MIPOL1: variants seen among roughly 807,000 people sequenced by gnomAD.
The protein encoded by MIPOL1 is mirror-image polydactyly gene 1 protein.
In MIPOL1, 57 loss-of-function variants were observed where a neutral mutation model predicts 60.9. That is an observed-to-expected ratio of 0.94 (90% confidence interval 0.76 to 1.17). The LOEUF (loss-of-function observed/expected upper bound fraction) is 1.17. Ranked by LOEUF, MIPOL1 falls within the 50% of genes most tolerant of loss-of-function variation. MIPOL1 has a pLI of 0.00. For synonymous variants in MIPOL1, 179 were observed against 168.8 expected, an observed-to-expected ratio of 1.06 and a Z score of -0.47; for missense variants, 551 against 511.6, an observed-to-expected ratio of 1.08 and a Z score of -0.74.
intron 10 of MIPOL1, among the ~76,000 whole-genome samples, chr14:37,413,860 C>T (rs539367138): frequency 7.2e-5 from 11 of 152,228 alleles, no homozygotes; most frequent in East Asian, 5.8e-4. Flanking sequence ...CTCAAGGCTA[C>T]GGGCTTTTCA....
chr14:37,499,015 T>A (rs1206584523), intron 11 of MIPOL1, among the ~76,000 whole-genome samples: 1 of 152,142 alleles, frequency 6.6e-6, no homozygotes, highest in East Asian at 1.9e-4. Flanking sequence ...ACTTCAAATG[T>A]CTCCAATCGA....
At chr14:37,218,118 T>C (rs1420982539) in intron 1 of MIPOL1, among the ~76,000 whole-genome samples, 1 of 152,090 alleles carries the variant, frequency 6.6e-6, no homozygotes, top group Non-Finnish European at 1.5e-5. Flanking sequence ...CTAGTTTCTT[T>C]CTTTTCTATT....
At chr14:37,272,440 C>T (rs1388885395) in intron 6 of MIPOL1, among the ~76,000 whole-genome samples, 2 of 151,446 alleles carry the variant, frequency 1.3e-5, no homozygotes, top group Admixed American at 6.6e-5. Context: ...TTTAAAACAA[C>T]AAAAAATTTG....
At chr14:37,454,366 C>G (rs1203214891) in intron 11 of MIPOL1, among the ~76,000 whole-genome samples, 1 of 152,194 alleles carries the variant, frequency 6.6e-6, no homozygotes, top group Non-Finnish European at 1.5e-5. Flanking sequence ...CAGTCTACCA[C>G]AGAAGGTGTA....
chr14:37,453,045 C>T (rs2094439849), intron 11 of MIPOL1, among the ~76,000 whole-genome samples: 1 of 152,108 alleles, frequency 6.6e-6, no homozygotes, highest in South Asian at 2.1e-4. Flanking sequence ...TTAGGATGTG[C>T]ATTTTATTTA....
Position 37,422,954 on chromosome 14 carries a change from A to G in MIPOL1, c.1031+5A>G. ...GACCCTTCGAGTTTACTACAGGTAA[A>G]ATTCTTTTTAGCCTGGGGTTAAGTA... On this transcript the variant is annotated splice_donor_5th_base_variant and intron_variant, in intron 11 of 12. Coordinates refer to ENST00000684589, the MANE Select transcript of MIPOL1 (RefSeq NM_001388067.1). 2 of 1,573,782 alleles carry G rather than the reference A, an allele frequency of 1.3e-6. No homozygotes were observed. The highest frequency in any genetic ancestry group is 1.7e-6 in the Non-Finnish European group (2 of 1,151,036).
chr14:37,374,375 G>A (rs988036568), intron 10 of MIPOL1, among the ~76,000 whole-genome samples: 1 of 152,094 alleles, frequency 6.6e-6, no homozygotes, highest in Non-Finnish European at 1.5e-5. Flanking sequence ...CCGTGCAGAA[G>A]CTCCTTAGTT....
chr14:37,452,002 A>T (rs892290761), intron 11 of MIPOL1, among the ~76,000 whole-genome samples: 4 of 150,852 alleles, frequency 2.7e-5, no homozygotes. Context: ...TTTTTAGTAG[A>T]GACGGGGTTT....
intron 6 of MIPOL1, among the ~76,000 whole-genome samples, chr14:37,279,685 A>G (rs2083947018): frequency 6.6e-6 from 1 of 152,098 alleles, no homozygotes; most frequent in Non-Finnish European, 1.5e-5. Context: ...TGATTTGCAA[A>G]TTTATGAAGT....
intron 10 of MIPOL1, among the ~76,000 whole-genome samples, chr14:37,413,693 A>G (rs144404044): frequency 8.5e-5 from 13 of 152,342 alleles, no homozygotes; most frequent in African/African-American, 2.6e-4. Context: ...TGCCCAGGAT[A>G]AGATCTCCTC....
intron 1 of MIPOL1, among the ~76,000 whole-genome samples, chr14:37,238,479 A>G (rs1382309153): frequency 6.6e-6 from 1 of 152,178 alleles, no homozygotes; most frequent in Non-Finnish European, 1.5e-5. Flanking sequence ...TTTAATAGTT[A>G]TGACAGGATA....
intron 12 of MIPOL1, among the ~76,000 whole-genome samples, chr14:37,512,534 T>C (rs2095336820): frequency 6.6e-6 from 1 of 152,120 alleles, no homozygotes; most frequent in African/African-American, 2.4e-5. Flanking sequence ...TTTTTTACTT[T>C]TGTTGCTGGC....
intron 11 of MIPOL1, among the ~76,000 whole-genome samples, chr14:37,481,498 TTC>T (rs1252624281): frequency 6.6e-6 from 1 of 150,668 alleles, no homozygotes; most frequent in Non-Finnish European, 1.5e-5. Flanking sequence ...ATTATCAGAA[TTC>T]TAATGTCATT....
rs371721161 is a variant in MIPOL1, at chr14:37,268,838, G to A, written c.387+45G>A. The stretch of plus-strand genomic sequence containing the variant: ...ATAATTGTATAGTATGGGTTTAGCT[G>A]TTGATCTTCTAAATTTCCTTTGTTG... On this transcript the variant is annotated intron_variant, in intron 5 of 12. Coordinates refer to ENST00000684589, the MANE Select transcript of MIPOL1 (RefSeq NM_001388067.1). 9.5e-6 allele frequency: 13 copies of A among 1,375,260 alleles called. No homozygotes were observed. In the South Asian group the frequency reaches 1.8e-4, roughly 19 times the overall value. The allele number at this position is 1,375,260 out of a possible 1,614,324, so 85.2% of individuals were successfully genotyped here.
chr14:37,331,044 A>G (rs979823669), intron 9 of MIPOL1, among the ~76,000 whole-genome samples: 2 of 151,882 alleles, frequency 1.3e-5, no homozygotes, highest in African/African-American at 2.4e-5. Context: ...CCATTGGTCT[A>G]TGTGTTTGGT....
chr14:37,430,908 G>A (rs189086076), intron 11 of MIPOL1, among the ~76,000 whole-genome samples: 3 of 152,030 alleles, frequency 2.0e-5, no homozygotes, highest in Admixed American at 6.6e-5. Context: ...AATTTTCTGC[G>A]CCTTATTCAA....
chr14:37,372,017 A>T lies in MIPOL1; in HGVS notation c.936+2393A>T, dbSNP rs185461257. 6.4e-4 allele frequency among the ~76,000 whole-genome samples: 97 copies of T among 152,284 alleles called. 1 individual carries two copies. The highest frequency in any genetic ancestry group is 1.6e-3 in the Admixed American group (24 of 15,298). On this transcript the variant is annotated intron_variant, in intron 10 of 12. Coordinates refer to ENST00000684589, the MANE Select transcript of MIPOL1 (RefSeq NM_001388067.1). ...AGTTAGTATCTAATAAGTGTCAGGA[A>T]CAACTCTTTAAAAACGATTCACTGT...
chr14:37,294,567 T>A lies in MIPOL1; in HGVS notation c.623+9120T>A, dbSNP rs181521627. Among the ~76,000 whole-genome samples, 302 of 151,800 alleles carry A rather than the reference T, an allele frequency of 2.0e-3. 2 individuals are homozygous for A. The highest frequency in any genetic ancestry group is 6.7e-3 in the African/African-American group (279 of 41,390). On this transcript the variant is annotated intron_variant, in intron 7 of 12. Coordinates refer to ENST00000684589, the MANE Select transcript of MIPOL1 (RefSeq NM_001388067.1). ...AGAAGTTAAAAACTTTGAAAAAAAATTAGACGAATGGATAACTAGAATAAT... is the reference window on the plus strand; with the variant it reads ...AGAAGTTAAAAACTTTGAAAAAAAAATAGACGAATGGATAACTAGAATAAT...
intron 1 of MIPOL1, among the ~76,000 whole-genome samples, chr14:37,213,198 T>G (rs573270290): frequency 1.1e-3 from 162 of 150,914 alleles, no homozygotes; most frequent in Non-Finnish European, 1.6e-3. Flanking sequence ...CAGGAAGACA[T>G]GACCTCATCA....
Sources: allele counts gnomAD v4.1 joint callset (sites outside exome capture counted in the v4.1 genomes callset), GRCh38; gene constraint gnomAD v4.1.1; transcripts MANE v1.5; gene names NCBI Gene and HGNC (gene_info 2026-07-23, HGNC 2026-07-21).